Variants in SRGAP3 observed in about 807,000 individuals in gnomAD.
The protein encoded by SRGAP3 is SLIT-ROBO Rho GTPase activating protein 3.
Under a neutral mutation model 121.1 loss-of-function variants are expected in SRGAP3, and 39 were observed. The ratio of observed to expected loss-of-function variants is 0.32; its 90% CI spans 0.25 to 0.42. The LOEUF (loss-of-function observed/expected upper bound fraction) is 0.42, where lower values mean the gene tolerates loss of function less well. SRGAP3 is among the 10% of genes least tolerant of loss of function. SRGAP3 has a pLI of 1.00. For missense variants in SRGAP3, 1,213 were observed against 1,470.6 expected, an observed-to-expected ratio of 0.82 and a Z score of 2.86; for synonymous variants, 601 against 570.0, an observed-to-expected ratio of 1.05 and a Z score of -0.77.
chr3:9,026,943 T>C lies in SRGAP3; in HGVS notation c.1592A>G (p.Asn531Ser). ...LVVESCIRYI[N>S]LYGLQQQGIF... ...CCCAAGATCCAGCTTACCATATAAA[T>C]TGATGTAACGGATGCAGCTCTCGAC... is the stretch of plus-strand genomic sequence containing the variant. Residue 531 changes from asparagine to serine, a missense_variant, in exon 13 of 22, where the codon AAT (asparagine) becomes AGT (serine). Around this residue, in one of 2 missense-constraint regions of SRGAP3, gnomAD observed 793 missense variants for 1,032.9 expected, o/e 0.77. Transcript: ENST00000383836. 6.2e-7 allele frequency: 1 copy of C among 1,614,192 alleles called. No individual in the cohort carries two copies. The highest frequency in any genetic ancestry group is 8.5e-7 in the Non-Finnish European group (1 of 1,180,030).
At chr3:9,085,647 A>G (rs1450676440) in intron 3 of SRGAP3, among the ~76,000 whole-genome samples, 1 of 152,192 alleles carries the variant, frequency 6.6e-6, no homozygotes, top group African/African-American at 2.4e-5. Flanking sequence ...AAAGAATGAA[A>G]TCATGTCCTT....
Position 9,354,446 on chromosome 3 carries a change from G to A in SRGAP3, n.214+8394C>T, listed in dbSNP as rs370200598. Among the ~76,000 whole-genome samples, 65 of 152,196 alleles carry A rather than the reference G, an allele frequency of 4.3e-4. No homozygotes were observed. The East Asian group carries it at 4.5e-3, about 10-fold the overall frequency. On this transcript the variant is annotated intron_variant and non_coding_transcript_variant, in intron 1 of 3. Transcript: ENST00000490889. ...TGTAATCCCAGCACTTTGGGAGGCC[G>A]AGGCGGGTGGATCACGAGGTTAGGA...
At chr3:9,193,371 A>G (rs1951819467) in intron 1 of SRGAP3, 1 of 152,204 alleles carries the variant, frequency 6.6e-6, no homozygotes, top group Non-Finnish European at 1.5e-5. Flanking sequence ...CTCCTCCTTA[A>G]AAGCCACCGA....
intron 3 of SRGAP3, among the ~76,000 whole-genome samples, chr3:9,087,975 T>C (rs1174926577): frequency 3.3e-5 from 5 of 152,190 alleles, no homozygotes; most frequent in Non-Finnish European, 7.3e-5. Context: ...AAATACTCAA[T>C]TGCACAAGAC....
chr3:9,232,419 G>T (rs1040045362), intron 1 of SRGAP3, among the ~76,000 whole-genome samples: 2 of 151,896 alleles, frequency 1.3e-5, no homozygotes, highest in Non-Finnish European at 2.9e-5. Context: ...TCCACCCCTC[G>T]TCCCCAAGGG....
intron 10 of SRGAP3, among the ~76,000 whole-genome samples, chr3:9,045,463 G>C (rs1253584750): frequency 2.0e-5 from 3 of 152,058 alleles, no homozygotes; most frequent in African/African-American, 7.2e-5. Context: ...AATAAACTTG[G>C]AGGACCAAAT....
At chr3:9,214,252 T>C (rs1154395) in intron 1 of SRGAP3, among the ~76,000 whole-genome samples, 38,619 of 152,042 alleles carry the variant, frequency 0.25, 5,206 homozygotes, top group South Asian at 0.32. Flanking sequence ...TAATTATAAT[T>C]GCAAGACCCT....
At chr3:9,271,490 CT>C (rs1041359643) in intron 3 of SRGAP3, among the ~76,000 whole-genome samples, 1 of 152,210 alleles carries the variant, frequency 6.6e-6, no homozygotes, top group Non-Finnish European at 1.5e-5. Flanking sequence ...ATCCCACCCC[CT>C]TACCTCCCTG....
intron 2 of SRGAP3, among the ~76,000 whole-genome samples, chr3:9,108,960 C>T (rs186611951): frequency 7.6e-4 from 115 of 152,216 alleles, no homozygotes; most frequent in African/African-American, 2.6e-3. Flanking sequence ...ACAGTGATTC[C>T]GAGGCTCAGA....
chr3:9,068,621 TA>T (rs528536928), intron 4 of SRGAP3, among the ~76,000 whole-genome samples: 92 of 152,344 alleles, frequency 6.0e-4, no homozygotes, highest in African/African-American at 2.1e-3. Flanking sequence ...AAAATGACTC[TA>T]TTTGTACCCA....
intron 3 of SRGAP3, among the ~76,000 whole-genome samples, chr3:9,097,860 G>A (rs949265857): frequency 2.6e-5 from 4 of 152,150 alleles, no homozygotes; most frequent in Admixed American, 1.3e-4. Flanking sequence ...CAACTCTGAA[G>A]GGCCATCCCA....
intron 13 of SRGAP3, among the ~76,000 whole-genome samples, chr3:9,026,717 C>T (rs748930942): frequency 6.6e-6 from 1 of 152,224 alleles, no homozygotes; most frequent in Non-Finnish European, 1.5e-5. Context: ...CTCCAGTTTT[C>T]CTAGGTCTTG....
At chr3:9,107,811 CTCTT>C (rs964647653) in intron 2 of SRGAP3, among the ~76,000 whole-genome samples, 6 of 152,218 alleles carry the variant, frequency 3.9e-5, no homozygotes, top group Admixed American at 3.9e-4. Flanking sequence ...CTACTGTGAG[CTCTT>C]TGAGAGCAGG....
intron 4 of SRGAP3, among the ~76,000 whole-genome samples, chr3:9,074,992 G>GA (rs1946893108): frequency 2.0e-5 from 3 of 152,362 alleles, no homozygotes; most frequent in East Asian, 3.9e-4. Flanking sequence ...GAAGAGACAG[G>GA]TGGGGGGACA....
At position 9,109,174 on chromosome 3, in the gene SRGAP3, G is replaced by T. The variant is rs1948527225; in HGVS notation, c.261-4332C>A. On this transcript the variant is annotated intron_variant, in intron 2 of 21. Transcript: ENST00000383836. This position sits in a 1 kb window ranked among gnomAD's most constrained non-coding sequence, Gnocchi z 4.4. Reference sequence around the variant, plus strand: ...GGGCTTAGCTGAACCTGGGAGGCAAGAAGTGAACAGCACCAGGGAATTAAA... The same window carrying T: ...GGGCTTAGCTGAACCTGGGAGGCAATAAGTGAACAGCACCAGGGAATTAAA... Among the ~76,000 whole-genome samples, 1 of 152,206 alleles carries T rather than the reference G, an allele frequency of 6.6e-6. No individual in the cohort carries two copies. The highest frequency in any genetic ancestry group is 2.1e-4 in the South Asian group (1 of 4,824).
intron 2 of SRGAP3, among the ~76,000 whole-genome samples, chr3:9,119,101 C>T (rs1419352829): frequency 1.3e-5 from 2 of 152,182 alleles, no homozygotes; most frequent in Non-Finnish European, 2.9e-5. Context: ...AGTGGTTGTC[C>T]AAAGGAGGAC....
intron 3 of SRGAP3, among the ~76,000 whole-genome samples, chr3:9,254,780 C>T (rs1315381853): frequency 3.0e-5 from 4 of 132,860 alleles, no homozygotes; most frequent in Non-Finnish European, 6.3e-5. Context: ...CCAGCCTGGG[C>T]AACAGAGCAA....
At chr3:9,089,114 C>T (rs1472080709) in intron 3 of SRGAP3, among the ~76,000 whole-genome samples, 1 of 152,184 alleles carries the variant, frequency 6.6e-6, no homozygotes, top group African/African-American at 2.4e-5. Flanking sequence ...CGACACAAAG[C>T]TGAATGAGAC....
intron 1 of SRGAP3, among the ~76,000 whole-genome samples, chr3:9,129,767 C>CTTTT (rs112562712): frequency 6.9e-6 from 1 of 145,688 alleles, no homozygotes; most frequent in Non-Finnish European, 1.5e-5. Context: ...TACTATTTCC[C>CTTTT]TTTTTTTTTT....
Sources: gnomAD v4.1 joint callset for allele counts (sites outside exome capture counted in the v4.1 genomes callset) on GRCh38, gnomAD v4.1.1 for gene constraint, gnomAD v4.1.1 regional missense constraint, Gnocchi (gnomAD v3.1) non-coding constraint, MANE v1.5 for transcripts, NCBI Gene and HGNC (gene_info 2026-07-23, HGNC 2026-07-21) for gene names.